The following GABRG1 variants were observed in gnomAD, a reference collection of about 807,000 sequenced individuals.
The protein encoded by GABRG1 is gamma-aminobutyric acid type A receptor subunit gamma1, also known as gamma-aminobutyric acid receptor subunit gamma-1.
GABRG1 carries 49 observed loss-of-function variants against 49.8 expected under a neutral mutation model. That is an observed-to-expected ratio of 0.98 (90% CI 0.78 to 1.25). The LOEUF (loss-of-function observed/expected upper bound fraction) is 1.25. GABRG1 is among the 50% of genes most tolerant of loss of function. GABRG1 has a pLI of 0.00. For missense variants in GABRG1, 552 were observed against 552.3 expected, an observed-to-expected ratio of 1.00 and a Z score of 0.01; for synonymous variants, 232 against 185.1, an observed-to-expected ratio of 1.25 and a Z score of -2.06.
intron 1 of GABRG1, among the ~76,000 whole-genome samples, chr4:46,115,067 C>T (rs1186121476): frequency 6.6e-6 from 1 of 150,668 alleles, no homozygotes; most frequent in Non-Finnish European, 1.5e-5. Flanking sequence ...ATCAGAATCT[C>T]ACCTTTTGTG....
rs1717584651 is a variant in GABRG1 at position 46,037,738 on chromosome 4, A to G, written c.*3250T>C. 3 of 151,710 alleles carry G rather than the reference A, an allele frequency of 2.0e-5. No homozygotes were observed. Among genetic ancestry groups the G allele is most frequent in the Non-Finnish European group, 3.0e-5 (2 of 67,778 alleles). The allele number at this position is 151,710 out of a possible 1,614,324, so 9.4% of individuals were successfully genotyped here. ...ACTTAAATACTGGTTATTTATTTCA[A>G]TCTACTAAAATCATCTTATTTAAAG... On this transcript the variant is annotated 3_prime_UTR_variant, in exon 9 of 9. Transcript: ENST00000295452.
rs143416418 is a variant in GABRG1 at position 46,048,370 on chromosome 4, AGAAGGAAGGAAGGAAG to A, written c.1131+3038_1131+3053del. 2.3e-3 allele frequency among the ~76,000 whole-genome samples: 284 copies of A among 121,388 alleles called. 1 individual carries two copies. The highest frequency in any genetic ancestry group is 7.0e-3 in the African/African-American group (228 of 32,692). The allele number at this position is 121,388 out of a possible 152,430, so 79.6% of individuals were successfully genotyped here. ...GAAAAATTTGGTCATAATGGAATAGAGAAGGAAGGAAGGAAGGAAGGAAGGAAGGAAGGAAGGAAGG... is the reference window on the plus strand; with the variant it reads ...GAAAAATTTGGTCATAATGGAATAGAGAAGGAAGGAAGGAAGGAAGGAAGG... On this transcript the variant is annotated intron_variant, in intron 8 of 8. Transcript: ENST00000295452.
chr4:46,098,641 T>G (rs1430676882), intron 1 of GABRG1, among the ~76,000 whole-genome samples: 1 of 151,764 alleles, frequency 6.6e-6, no homozygotes, highest in Non-Finnish European at 1.5e-5. Context: ...TCCGAGATGT[T>G]TATTTTATGT....
At chr4:46,081,127 A>G (rs1056906773) in intron 3 of GABRG1, among the ~76,000 whole-genome samples, 1 of 151,506 alleles carries the variant, frequency 6.6e-6, no homozygotes, top group African/African-American at 2.4e-5. Flanking sequence ...TCTCAGCTTC[A>G]TCTTTCAGGT....
intron 1 of GABRG1, among the ~76,000 whole-genome samples, chr4:46,107,976 G>C (rs1004386951): frequency 6.6e-6 from 1 of 150,984 alleles, no homozygotes; most frequent in Non-Finnish European, 1.5e-5. Context: ...CTATGCTAGA[G>C]GACATATGAC....
intron 5 of GABRG1, among the ~76,000 whole-genome samples, chr4:46,062,640 T>C (rs1718744696): frequency 1.3e-5 from 2 of 152,158 alleles, no homozygotes; most frequent in Non-Finnish European, 2.9e-5. Flanking sequence ...TGGTGAGCAT[T>C]TTTTCATGTG....
chr4:46,107,797 T>A (rs1720600479), intron 1 of GABRG1, among the ~76,000 whole-genome samples: 1 of 151,222 alleles, frequency 6.6e-6, no homozygotes, highest in African/African-American at 2.4e-5. Flanking sequence ...ACTCAAAGCT[T>A]TGACATTTAA....
intron 7 of GABRG1, among the ~76,000 whole-genome samples, chr4:46,057,594 G>A (rs1173426442): frequency 6.6e-6 from 1 of 152,026 alleles, no homozygotes; most frequent in East Asian, 1.9e-4. Context: ...CAGAAAAATA[G>A]TAAAAGTCTA....
intron 1 of GABRG1, among the ~76,000 whole-genome samples, chr4:46,101,677 A>G (rs1720383379): frequency 6.6e-6 from 1 of 151,736 alleles, no homozygotes; most frequent in South Asian, 2.1e-4. Context: ...ATGACACAGA[A>G]AAGCATCAGA....
At chr4:46,060,841 T>G (rs1007992780) in intron 5 of GABRG1, among the ~76,000 whole-genome samples, 16 of 152,156 alleles carry the variant, frequency 1.1e-4, no homozygotes, top group Non-Finnish European at 2.4e-4. Context: ...TAGTATACAG[T>G]AGTGTGGGCA....
In GABRG1 at chr4:46,051,469, T is replaced by C. The variant is rs768655410; in HGVS notation, c.1086A>G (p.Lys362=). The part of the protein sequence containing the change: ...GTLHYFTSNQ[K]GKTATKDRKL... Reference sequence around the variant, plus strand: ...TTCTGTCTTTAGTAGCAGTCTTTCCTTTTTGGTTGCTGGTAAAATAATGCA... The same window carrying C: ...TTCTGTCTTTAGTAGCAGTCTTTCCCTTTTGGTTGCTGGTAAAATAATGCA... The change falls in exon 8 of 9, where the codon AAA becomes AAG. Residue 362 remains lysine (K), a synonymous_variant. Coordinates refer to ENST00000295452, the MANE Select transcript of GABRG1 (RefSeq NM_173536.4). 4.6e-5 allele frequency: 74 copies of C among 1,610,506 alleles called. No individual in the cohort carries two copies. Among genetic ancestry groups the C allele is most frequent in the South Asian group, 1.1e-4 (10 of 90,952 alleles).
rs1718522292 is a variant in GABRG1 at position 46,058,128 on chromosome 4, T to C, written c.916+89A>G. 7.9e-6 allele frequency: 10 copies of C among 1,258,316 alleles called. No homozygotes were observed. The East Asian group carries it at 1.4e-4, about 18-fold the overall frequency. The allele number at this position is 1,258,316 out of a possible 1,614,324, so 77.9% of individuals were successfully genotyped here. ...TTCCTGACTGTAGTCTAGAAGAATATATCTAATAAATGTGACTATGAACTT... is the reference window on the plus strand; with the variant it reads ...TTCCTGACTGTAGTCTAGAAGAATACATCTAATAAATGTGACTATGAACTT... On this transcript the variant is annotated intron_variant, in intron 7 of 8. Coordinates refer to ENST00000295452, the MANE Select transcript of GABRG1 (RefSeq NM_173536.4).
chr4:46,085,196 A>G (rs1406186669), intron 2 of GABRG1, among the ~76,000 whole-genome samples: 1 of 151,512 alleles, frequency 6.6e-6, no homozygotes. Context: ...TGTTCCTGGG[A>G]CAATTTTCTT....
chr4:46,104,522 CATT>C (rs1186785592), intron 1 of GABRG1, among the ~76,000 whole-genome samples: 1 of 151,404 alleles, frequency 6.6e-6, no homozygotes, highest in African/African-American at 2.4e-5. Context: ...AGCCATAATA[CATT>C]ATTACGTGTA....
At chr4:46,116,016 G>T (rs931141904) in intron 1 of GABRG1, among the ~76,000 whole-genome samples, 1 of 150,618 alleles carries the variant, frequency 6.6e-6, no homozygotes, top group Admixed American at 6.6e-5. Flanking sequence ...GTAGCTTTTT[G>T]ATTGATTTTT....
At chr4:46,070,514 GAGT>G (rs1719076245) in intron 3 of GABRG1, among the ~76,000 whole-genome samples, 1 of 151,982 alleles carries the variant, frequency 6.6e-6, no homozygotes, top group African/African-American at 2.4e-5. Context: ...TATAGTACCT[GAGT>G]ACCTGAATTC....
chr4:46,103,154 A>G (rs1370088445), intron 1 of GABRG1, among the ~76,000 whole-genome samples: 2 of 151,580 alleles, frequency 1.3e-5, no homozygotes, highest in African/African-American at 4.8e-5. Context: ...TTAATCTGTT[A>G]AGAAACCAGA....
intron 2 of GABRG1, among the ~76,000 whole-genome samples, chr4:46,095,168 T>A: frequency 6.6e-6 from 1 of 151,272 alleles, no homozygotes; most frequent in East Asian, 2.0e-4. Flanking sequence ...CTAAAAACAG[T>A]TTAATAATAG....
chr4:46,098,498 A>G (rs1720264857), intron 1 of GABRG1, among the ~76,000 whole-genome samples: 1 of 151,776 alleles, frequency 6.6e-6, no homozygotes, highest in Non-Finnish European at 1.5e-5. Flanking sequence ...TACAGTATCT[A>G]TTCAGACCTC....
Sources: gnomAD v4.1 joint callset for allele counts (sites outside exome capture counted in the v4.1 genomes callset) on GRCh38, gnomAD v4.1.1 for gene constraint, MANE v1.5 for transcripts, NCBI Gene and HGNC (gene_info 2026-07-23, HGNC 2026-07-21) for gene names.